PPRC1: variants seen among roughly 807,000 people sequenced by gnomAD.
PPRC1 encodes PPARG related coactivator 1, also known as peroxisome proliferator-activated receptor gamma coactivator-related protein 1.
In PPRC1, 23 loss-of-function variants were observed where a neutral mutation model predicts 132.5. The observed-to-expected ratio is 0.17, with a 90% CI of 0.12 to 0.25. The LOEUF (loss-of-function observed/expected upper bound fraction) is 0.25. Among genes scored for constraint, PPRC1 ranks in the 10% least tolerant of loss-of-function variants. The pLI, the probability that PPRC1 is intolerant of heterozygous loss-of-function variation, is 1.00. For synonymous variants in PPRC1, 872 were observed against 833.5 expected, an observed-to-expected ratio of 1.05 and a Z score of -0.80; for missense variants, 2,006 against 2,089.1, an observed-to-expected ratio of 0.96 and a Z score of 0.78.
chr10:102,127,455 G>A, the PPRC1 span, among the ~76,000 whole-genome samples: 1,756 of 152,260 alleles, frequency 0.012, 17 homozygotes, highest in Admixed American at 0.018. Flanking sequence ...AATCTCAGCT[G>A]GAGTACAGTT....
intron 6 of PPRC1, among the ~76,000 whole-genome samples, chr10:102,143,582 G>A (rs2133684016): frequency 6.7e-6 from 1 of 149,460 alleles, no homozygotes; most frequent in African/African-American, 2.5e-5. Context: ...CTGGGCCACA[G>A]GGTGAGACTC....
intron 1 of PPRC1, among the ~76,000 whole-genome samples, 168 bp downstream of exon 1, chr10:102,133,389 G>A (rs1277297101): frequency 6.6e-6 from 1 of 152,178 alleles, no homozygotes; most frequent in African/African-American, 2.4e-5. Context: ...GGGTAGGCGG[G>A]CAGAGGCAGC....
In PPRC1 at chr10:102,141,719, T is replaced by G. The variant is rs953777016; in HGVS notation, c.3211T>G (p.Ser1071Ala). ...ATCTCCCCATCCGAAACACAAGGTG[T>G]CTGCCCTGGTGCAAAGTCCCCAGAT... Reference protein sequence around the residue: ...PASPHPKHKVSALVQSPQMKA... With the variant: ...PASPHPKHKVAALVQSPQMKA... Residue 1071 changes from serine to alanine, a missense_variant, in exon 5 of 14, where the codon TCT becomes GCT. Around this residue, in one of 2 missense-constraint regions of PPRC1, gnomAD observed 1,914 missense variants for 1,917.2 expected, o/e 1.00. Transcript: ENST00000278070. The G allele has an allele frequency of 1.2e-6, 2 of 1,613,874 alleles. No individual in the cohort carries two copies. Among genetic ancestry groups the G allele is most frequent in the African/African-American group, 2.7e-5 (2 of 74,918 alleles).
intron 1 of PPRC1, among the ~76,000 whole-genome samples, chr10:102,134,645 C>T (rs1294818362): frequency 2.6e-5 from 4 of 152,168 alleles, no homozygotes; most frequent in Non-Finnish European, 5.9e-5. Context: ...AATTTGGGAG[C>T]GCTGATCCCT....
intron 7 of PPRC1, chr10:102,144,637 G>A (rs532573321): frequency 7.6e-5 from 36 of 472,734 alleles, no homozygotes; most frequent in African/African-American, 6.8e-4. Flanking sequence ...GCTGGTAATG[G>A]TGTAACTTAA....
Position 102,139,989 on chromosome 10 carries a change from C to T in PPRC1, c.1481C>T (p.Thr494Ile), listed in dbSNP as rs1336386948. 14 of 1,614,084 alleles carry T rather than the reference C, an allele frequency of 8.7e-6. No individual in the cohort carries two copies. Among genetic ancestry groups the T allele is most frequent in the Non-Finnish European group, 1.2e-5 (14 of 1,180,048 alleles). Residue 494 changes from threonine to isoleucine, a missense_variant, in exon 5 of 14, where the codon ACC becomes ATC. Thr to Ile is a moderately conservative substitution (Grantham distance 89). Coordinates refer to ENST00000278070, the MANE Select transcript of PPRC1 (RefSeq NM_015062.5). ...RGQSTVGTEV[T>I]SQVDNLQKQP... ...CAGTCTACTGTAGGTACAGAAGTGA[C>T]CTCTCAGGTAGACAACTTGCAGAAA...
chr10:102,133,126 G>C lies in PPRC1; in HGVS notation c.58G>C (p.Gly20Arg). 8.0e-7 allele frequency: 1 copy of C among 1,249,078 alleles called. No individual in the cohort carries two copies. Among genetic ancestry groups the C allele is most frequent in the African/African-American group, 1.5e-5 (1 of 64,740 alleles). The allele number at this position is 1,249,078 out of a possible 1,614,324, so 77.4% of individuals were successfully genotyped here. The part of the protein sequence containing the change: ...GVAPPPSGGP[G>R]PDPGGGARGS... ...CGCGCCGCCCCCGAGTGGGGGCCCC[G>C]GTCCGGACCCTGGCGGGGGAGCCCG... Residue 20 changes from glycine to arginine, a missense_variant, in exon 1 of 14, where the codon GGT becomes CGT. Coordinates refer to ENST00000278070, the MANE Select transcript of PPRC1 (RefSeq NM_015062.5).
chr10:102,136,017 A>G lies in PPRC1; in HGVS notation c.154-1833A>G, dbSNP rs578213805. On this transcript the variant is annotated intron_variant, in intron 1 of 13. Coordinates refer to ENST00000278070, the MANE Select transcript of PPRC1 (RefSeq NM_015062.5). ...ATGGAGGTGAAGATGAGTGGTTCAT[A>G]GAGAGCTGGGCATTGTCTTGAGATT... is the stretch of plus-strand genomic sequence containing the variant. 2.0e-5 allele frequency among the ~76,000 whole-genome samples: 3 copies of G among 152,292 alleles called. No individual in the cohort carries two copies. The South Asian group carries it at 6.2e-4, about 32-fold the overall frequency.
At position 102,141,291 on chromosome 10, in the gene PPRC1, A is replaced by G. The variant is rs771764347; in HGVS notation, c.2783A>G (p.His928Arg). The G allele has an allele frequency of 1.2e-6, 2 of 1,612,740 alleles. No individual in the cohort carries two copies. The highest frequency in any genetic ancestry group is 1.1e-5 in the South Asian group (1 of 91,004). The change falls in exon 5 of 14, where the codon CAT (histidine) becomes CGT (arginine). Residue 928 changes from histidine (H) to arginine (R), a missense_variant. Coordinates refer to ENST00000278070, the MANE Select transcript of PPRC1 (RefSeq NM_015062.5). Reference protein sequence around the residue: ...APLPSWPCYPHVSPSGYPCLP... With the variant: ...APLPSWPCYPRVSPSGYPCLP... ...TTGCCATCCTGGCCTTGTTATCCTC[A>G]TGTGTCCCCTTCTGGCTATCCTTGC...
chr10:102,120,803 C>T, the PPRC1 span, among the ~76,000 whole-genome samples: 1 of 152,054 alleles, frequency 6.6e-6, no homozygotes, highest in African/African-American at 2.4e-5. Context: ...GAGCGGGAGC[C>T]GCGGCTGGGG....
At chr10:102,131,169 T>C (rs1163194370), upstream of PPRC1, among the ~76,000 whole-genome samples, 1 of 139,546 alleles carries the variant, frequency 7.2e-6, no homozygotes, top group Non-Finnish European at 1.5e-5. Flanking sequence ...CACTCCAGCC[T>C]GGTGACAGAG....
the PPRC1 span, among the ~76,000 whole-genome samples, chr10:102,127,399 T>C: frequency 6.6e-6 from 1 of 151,916 alleles, no homozygotes; most frequent in African/African-American, 2.4e-5. Context: ...ATAAAATACA[T>C]TGTGATAGAG....
chr10:102,148,963 A>G lies in PPRC1; in HGVS notation c.4739+25A>G, dbSNP rs2069393281. The G allele has an allele frequency of 6.2e-7, 1 of 1,611,802 alleles. No homozygotes were observed. The highest frequency in any genetic ancestry group is 8.5e-7 in the Non-Finnish European group (1 of 1,179,130). On this transcript the variant is annotated intron_variant, in intron 12 of 13. Coordinates refer to ENST00000278070, the MANE Select transcript of PPRC1 (RefSeq NM_015062.5). The surrounding 1 kb of genome is among the most constrained non-coding windows in gnomAD (Gnocchi z 4.2). The stretch of plus-strand genomic sequence containing the variant: ...GGTAAGCTTGGGCCCCAGGCTCAGG[A>G]TGTTCTTTCTATCCCATTCATCTAC...
chr10:102,129,805 A>G (rs554572493), upstream of PPRC1, among the ~76,000 whole-genome samples: 4 of 151,998 alleles, frequency 2.6e-5, no homozygotes, highest in East Asian at 7.8e-4. Flanking sequence ...GGGTTTTGCC[A>G]TGTTGGCCAG....
At chr10:102,136,319 G>C (rs572912776) in intron 1 of PPRC1, among the ~76,000 whole-genome samples, 2 of 152,100 alleles carry the variant, frequency 1.3e-5, no homozygotes, top group South Asian at 2.1e-4. Context: ...GCCGGGGTGT[G>C]GGGGGTGGGG....
At chr10:102,147,853 G>A (rs769065077) in intron 9 of PPRC1, among the ~76,000 whole-genome samples, 2 of 152,058 alleles carry the variant, frequency 1.3e-5, no homozygotes, top group Non-Finnish European at 2.9e-5. Flanking sequence ...TTTTTTCTCA[G>A]TAACCAAGTT....
At chr10:102,149,063 AG>A in intron 12 of PPRC1, 114 bp from the exon 13 acceptor site, 1 of 1,526,394 alleles carries the variant, frequency 6.6e-7, no homozygotes, top group Non-Finnish European at 8.8e-7. Context: ...CTGCAGTCAG[AG>A]GGTTGGCCAC....
intron 1 of PPRC1, among the ~76,000 whole-genome samples, chr10:102,134,712 G>C (rs2068658259): frequency 6.6e-6 from 1 of 152,126 alleles, no homozygotes; most frequent in Admixed American, 6.5e-5. Context: ...CTACCTACCA[G>C]AGCCCCAGGG....
chr10:102,133,039 C>T (rs2068576396), upstream of PPRC1: 8 of 1,239,318 alleles, frequency 6.5e-6, no homozygotes, highest in Middle Eastern at 2.9e-4. Context: ...CGCCAGCGAT[C>T]AGAGCAGCGC....
Sources: allele counts gnomAD v4.1 joint callset (sites outside exome capture counted in the v4.1 genomes callset), GRCh38; gene constraint gnomAD v4.1.1; regional missense constraint gnomAD v4.1.1; non-coding constraint Gnocchi (gnomAD v3.1); transcripts MANE v1.5; gene names NCBI Gene and HGNC (gene_info 2026-07-23, HGNC 2026-07-21).